Variants in TUB observed in about 807,000 individuals in gnomAD.
The protein encoded by TUB is tubby protein homolog.
In TUB, 33 loss-of-function variants were observed where a neutral mutation model predicts 59.7. The ratio of observed to expected loss-of-function variants is 0.55; its 90% CI spans 0.42 to 0.74. TUB has a LOEUF of 0.74. Ranked by LOEUF, TUB falls within the 30% of genes least tolerant of loss-of-function variation. The pLI, the probability that TUB is intolerant of heterozygous loss-of-function variation, is 0.00. For synonymous variants in TUB, 293 were observed against 256.4 expected, an observed-to-expected ratio of 1.14 and a Z score of -1.36; for missense variants, 659 against 672.0, an observed-to-expected ratio of 0.98 and a Z score of 0.21.
At chr11:8,079,498 A>G (rs544496244), upstream of TUB, among the ~76,000 whole-genome samples, 1 of 152,190 alleles carries the variant, frequency 6.6e-6, no homozygotes, top group Non-Finnish European at 1.5e-5. Flanking sequence ...CAGGTGTTTT[A>G]TTTTGTCTGC....
rs749460195 is a variant in TUB at position 8,105,873 on chromosome 11, G to C, written c.*4254G>C. The C allele has an allele frequency of 6.6e-6, 1 of 152,146 alleles. No homozygotes were observed. Among genetic ancestry groups the C allele is most frequent in the Non-Finnish European group, 1.5e-5 (1 of 68,028 alleles). The allele number at this position is 152,146 out of a possible 1,614,324, so 9.4% of individuals were successfully genotyped here. A position where few individuals can be genotyped will look rare whatever the true frequency, so the allele number is the denominator to read the frequency against. ...CCAGAGTTTCCTAGAACGCAACTTA[G>C]GATGGCTAGGAAAGGGAAGCCTGAC... On this transcript the variant is annotated 3_prime_UTR_variant, in exon 12 of 12. Transcript: ENST00000299506.
intron 2 of TUB, among the ~76,000 whole-genome samples, chr11:8,044,192 C>A (rs932589925): frequency 6.6e-6 from 1 of 152,144 alleles, no homozygotes; most frequent in African/African-American, 2.4e-5. Flanking sequence ...TCCCCTGAAA[C>A]TCCAACTATG....
rs377711591 is a variant in TUB, at chr11:8,091,946, C to T, written c.253+1715C>T. On this transcript the variant is annotated intron_variant, in intron 3 of 11. Transcript: ENST00000299506. ...AGCTCTGCCAAGCCTGGCACCTGGGCGAGTGAGGCTGCATACAGAATAGGG... is the reference window on the plus strand; with the variant it reads ...AGCTCTGCCAAGCCTGGCACCTGGGTGAGTGAGGCTGCATACAGAATAGGG... Among the ~76,000 whole-genome samples, 48 of 152,330 alleles carry T rather than the reference C, an allele frequency of 3.2e-4. No homozygotes were observed. In the South Asian group the frequency reaches 8.1e-3, roughly 26 times the overall value.
At chr11:8,055,094 TCAGGGCAG>T (rs1339923808) in intron 2 of TUB, among the ~76,000 whole-genome samples, 2 of 152,158 alleles carry the variant, frequency 1.3e-5, no homozygotes, top group Non-Finnish European at 2.9e-5. Flanking sequence ...AACTCATCAG[TCAGGGCAG>T]CTGTCTGCTG....
At chr11:8,075,317 G>C (rs963002769) in intron 2 of TUB, among the ~76,000 whole-genome samples, 10 of 152,208 alleles carry the variant, frequency 6.6e-5, no homozygotes, top group Non-Finnish European at 1.5e-4. Context: ...TCTGGAGGAA[G>C]GTAGTTCTCT....
In TUB at chr11:8,100,572, C is replaced by A. The variant is rs1944233380; in HGVS notation, c.1186C>A (p.His396Asn). The change falls in exon 10 of 12, where the codon CAT becomes AAT. Residue 396 changes from histidine (H) to asparagine (N), a missense_variant. By Grantham distance (68) the His-to-Asn change is moderately conservative. Coordinates refer to ENST00000299506, the MANE Select transcript of TUB (RefSeq NM_177972.3). ...GATTGTCCCAGGCATGAACATGGTTCATGAGAGAGTCTCTATCCGCCCCCG... is the reference window on the plus strand; with the variant it reads ...GATTGTCCCAGGCATGAACATGGTTAATGAGAGAGTCTCTATCCGCCCCCG... ...SVIVPGMNMV[H>N]ERVSIRPRNE... 5.0e-6 allele frequency: 8 copies of A among 1,614,140 alleles called. No individual in the cohort carries two copies. The East Asian group carries it at 1.8e-4, about 36-fold the overall frequency.
At chr11:8,073,833 G>A (rs896591583) in intron 2 of TUB, among the ~76,000 whole-genome samples, 1 of 152,222 alleles carries the variant, frequency 6.6e-6, no homozygotes, top group Admixed American at 6.5e-5. Flanking sequence ...CAGAGACCCT[G>A]TACTCCAGCC....
intron 6 of TUB, 93 bp from the exon 7 acceptor site, chr11:8,097,135 C>T: frequency 7.1e-7 from 1 of 1,415,262 alleles, no homozygotes; most frequent in Non-Finnish European, 9.8e-7. Flanking sequence ...CTCTCTCCCA[C>T]CGCCACGTTA....
chr11:8,053,921 C>T (rs1942974255), intron 2 of TUB, among the ~76,000 whole-genome samples: 1 of 151,372 alleles, frequency 6.6e-6, no homozygotes, highest in Non-Finnish European at 1.5e-5. Context: ...CGAGACCATC[C>T]TGGCTAACAC....
intron 2 of TUB, among the ~76,000 whole-genome samples, chr11:8,065,550 G>A (rs183449505): frequency 6.6e-6 from 1 of 152,300 alleles, no homozygotes; most frequent in East Asian, 1.9e-4. Flanking sequence ...ATACATGACA[G>A]CACTCAGCAA....
At chr11:8,051,393 T>C (rs1434977544) in intron 2 of TUB, among the ~76,000 whole-genome samples, 1 of 152,234 alleles carries the variant, frequency 6.6e-6, no homozygotes, top group African/African-American at 2.4e-5. Context: ...TGAAATTTAA[T>C]CATTCCTTTA....
At chr11:8,049,669 T>G (rs779404109) in intron 2 of TUB, among the ~76,000 whole-genome samples, 3 of 151,600 alleles carry the variant, frequency 2.0e-5, no homozygotes, top group Non-Finnish European at 2.9e-5. Context: ...TTATGTAATT[T>G]TATTATATAA....
intron 1 of TUB, among the ~76,000 whole-genome samples, chr11:8,087,671 ACGGGGGACACTGGTGTT>A (rs1209107891): frequency 6.6e-6 from 1 of 152,252 alleles, no homozygotes; most frequent in Non-Finnish European, 1.5e-5. Context: ...GTGGCTGACC[ACGGGGGACACTGGTGTT>A]CGGGTCTGAC....
Position 8,064,672 on chromosome 11 carries a change from A to G in TUB, c.204-24938A>G, listed in dbSNP as rs1258659290. On this transcript the variant is annotated intron_variant, in intron 2 of 12. Transcript: ENST00000305253. ...CAGGGGCCTCCTCAGTGATACCAGG[A>G]ACTCAAGGCAGAGACAGTGAGGGTC... Among the ~76,000 whole-genome samples the G allele has an allele frequency of 2.0e-5, 3 of 152,150 alleles. No individual in the cohort carries two copies. In the East Asian group the frequency reaches 5.8e-4, roughly 29 times the overall value.
intron 10 of TUB, 43 bp downstream of exon 10, chr11:8,100,644 GTC>G: frequency 6.3e-7 from 1 of 1,588,026 alleles, no homozygotes; most frequent in Non-Finnish European, 8.6e-7. Flanking sequence ...CATCATCCTA[GTC>G]TCTGCATGAG....
chr11:8,043,353 C>G (rs1247770614), intron 2 of TUB, among the ~76,000 whole-genome samples: 3 of 152,122 alleles, frequency 2.0e-5, no homozygotes, highest in African/African-American at 7.2e-5. Flanking sequence ...GTTTTGAGAT[C>G]AGGATGAGTT....
At chr11:8,062,164 G>A (rs1368726573) in intron 2 of TUB, 1 of 152,538 alleles carries the variant, frequency 6.6e-6, no homozygotes, top group Non-Finnish European at 1.5e-5. Flanking sequence ...ACCAGTGGCC[G>A]GGGTTTGGAC....
chr11:8,078,709 T>TCA (rs1943490305), upstream of TUB, among the ~76,000 whole-genome samples: 1 of 152,010 alleles, frequency 6.6e-6, no homozygotes, highest in Admixed American at 6.6e-5. Context: ...GGGCCATCTC[T>TCA]CACACACATA....
At chr11:8,055,212 C>G (rs750184977) in intron 2 of TUB, among the ~76,000 whole-genome samples, 15 of 152,132 alleles carry the variant, frequency 9.9e-5, no homozygotes, top group South Asian at 6.2e-4. Flanking sequence ...TCTGGAGTGG[C>G]CTGTGTGTGT....
Sources: allele counts gnomAD v4.1 joint callset (sites outside exome capture counted in the v4.1 genomes callset), GRCh38; gene constraint gnomAD v4.1.1; transcripts MANE v1.5; gene names NCBI Gene and HGNC (gene_info 2026-07-23, HGNC 2026-07-21).